Variants in MSH3 observed in about 807,000 individuals in gnomAD.
MSH3 encodes the protein mutS homolog 3, also known as DNA mismatch repair protein Msh3.
MSH3 carries 106 observed loss-of-function variants against 123.3 expected under a neutral mutation model. The observed-to-expected ratio is 0.86, with a 90% CI of 0.73 to 1.01. The LOEUF is 1.01. Ranked by LOEUF, MSH3 falls within the 50% of genes least tolerant of loss-of-function variation. The pLI, the probability that MSH3 is intolerant of heterozygous loss-of-function variation, is 0.00. For missense variants in MSH3, 1,459 were observed against 1,347.6 expected (o/e 1.08, Z -1.29); for synonymous variants, 515 against 481.4 (o/e 1.07, Z -0.91).
chr5:80,869,309 G>T (rs1336492736), intron 22 of MSH3, among the ~76,000 whole-genome samples: 1 of 152,156 alleles, frequency 6.6e-6, no homozygotes, highest in African/African-American at 2.4e-5. Flanking sequence ...TCAAAGCAGT[G>T]CCAGGTAAAC....
intron 10 of MSH3, among the ~76,000 whole-genome samples, chr5:80,730,496 A>T (rs534247644): frequency 6.6e-6 from 1 of 152,134 alleles, no homozygotes; most frequent in African/African-American, 2.4e-5. Context: ...GAATGTGGGT[A>T]TTGTATTAAT....
At chr5:80,853,349 C>G (rs1745861681) in intron 20 of MSH3, among the ~76,000 whole-genome samples, 1 of 152,016 alleles carries the variant, frequency 6.6e-6, no homozygotes, top group South Asian at 2.1e-4. Flanking sequence ...GTGGCATGCA[C>G]CTGTAGTCCC....
intron 2 of MSH3, 126 bp from the exon 3 acceptor site, chr5:80,665,017 A>G (rs566426409): frequency 2.9e-6 from 2 of 694,364 alleles, no homozygotes; most frequent in Non-Finnish European, 4.8e-6. Flanking sequence ...TAAAAAAATC[A>G]CATTATAGTT....
chr5:80,801,294 C>T (rs889988851), intron 19 of MSH3, among the ~76,000 whole-genome samples: 6 of 152,208 alleles, frequency 3.9e-5, no homozygotes, highest in Non-Finnish European at 8.8e-5. Flanking sequence ...CCACTGCAGT[C>T]ACCTGCCTGG....
chr5:80,692,569 TGTTTATATAGAGAG>T (rs1263501016), intron 8 of MSH3, among the ~76,000 whole-genome samples: 77 of 143,338 alleles, frequency 5.4e-4, no homozygotes, highest in East Asian at 3.2e-3. Flanking sequence ...AACATGTATA[TGTTTATATAGAGAG>T]ATAAACATGT....
intron 13 of MSH3, among the ~76,000 whole-genome samples, chr5:80,762,630 T>C (rs899703626): frequency 1.3e-5 from 2 of 151,824 alleles, no homozygotes; most frequent in East Asian, 3.9e-4. Context: ...ATTTTTTTTT[T>C]CTGGTTGCCA....
intron 20 of MSH3, among the ~76,000 whole-genome samples, chr5:80,825,955 C>T (rs537969182): frequency 1.3e-5 from 2 of 152,328 alleles, no homozygotes; most frequent in South Asian, 4.1e-4. Context: ...TGCTATCAGC[C>T]AGTGGCTGCT....
chr5:80,866,772 T>C (rs1352671209), intron 22 of MSH3, among the ~76,000 whole-genome samples: 1 of 152,248 alleles, frequency 6.6e-6, no homozygotes, highest in Non-Finnish European at 1.5e-5. Flanking sequence ...TGCTAAATAT[T>C]GCTTACTGAT....
chr5:80,734,479 A>G (rs1433797022), intron 10 of MSH3, among the ~76,000 whole-genome samples: 1 of 152,252 alleles, frequency 6.6e-6, no homozygotes, highest in Non-Finnish European at 1.5e-5. Flanking sequence ...TGATAGACAC[A>G]TACACACTTA....
At chr5:80,759,880 C>T (rs1161542750) in intron 12 of MSH3, among the ~76,000 whole-genome samples, 1 of 152,148 alleles carries the variant, frequency 6.6e-6, no homozygotes, top group Non-Finnish European at 1.5e-5. Context: ...GTCTTGCTCT[C>T]CTGCATCGTA....
chr5:80,738,770 A>G (rs1265474595), intron 10 of MSH3, among the ~76,000 whole-genome samples: 1 of 152,218 alleles, frequency 6.6e-6, no homozygotes, highest in African/African-American at 2.4e-5. Context: ...GTGCCCTTCA[A>G]AATTCACATG....
intron 8 of MSH3, among the ~76,000 whole-genome samples, chr5:80,719,929 G>A (rs1354079552): frequency 6.6e-6 from 1 of 152,190 alleles, no homozygotes; most frequent in Non-Finnish European, 1.5e-5. Context: ...GGCCTCACTG[G>A]CAGGTTCTCT....
intron 19 of MSH3, among the ~76,000 whole-genome samples, chr5:80,793,386 A>G (rs1304583470): frequency 6.6e-6 from 1 of 152,230 alleles, no homozygotes; most frequent in African/African-American, 2.4e-5. Context: ...AGCAAGACAG[A>G]ACTCTTCCCT....
intron 19 of MSH3, among the ~76,000 whole-genome samples, chr5:80,794,858 C>T (rs1345728711): frequency 6.6e-6 from 1 of 152,122 alleles, no homozygotes; most frequent in Non-Finnish European, 1.5e-5. Context: ...TGGTAAAGCC[C>T]TAAAGAAGAG....
At chr5:80,811,740 T>C (rs974872810) in intron 19 of MSH3, among the ~76,000 whole-genome samples, 5 of 152,138 alleles carry the variant, frequency 3.3e-5, no homozygotes. Context: ...TTCTATTTCT[T>C]GTGTCGTTTT....
intron 7 of MSH3, among the ~76,000 whole-genome samples, chr5:80,677,753 G>A (rs897732693): frequency 4.6e-5 from 7 of 152,168 alleles, no homozygotes; most frequent in African/African-American, 1.7e-4. Flanking sequence ...TGTAAATATA[G>A]TGTGTGTATT....
chr5:80,869,080 GA>G (rs1271248804), intron 22 of MSH3, among the ~76,000 whole-genome samples: 1 of 152,138 alleles, frequency 6.6e-6, no homozygotes, highest in Non-Finnish European at 1.5e-5. Flanking sequence ...AAACAGTTAA[GA>G]AACCTGTGTT....
rs576652660 is a variant in MSH3 at position 80,703,426 on chromosome 5, T to G, written c.1341-22027T>G. Among the ~76,000 whole-genome samples, 3 of 152,296 alleles carry G rather than the reference T, an allele frequency of 2.0e-5. No individual in the cohort carries two copies. The South Asian group carries it at 6.2e-4, about 32-fold the overall frequency. On this transcript the variant is annotated intron_variant, in intron 8 of 23. Coordinates refer to ENST00000265081, the MANE Select transcript of MSH3 (RefSeq NM_002439.5). ...AGAGATTGCCCACCCATACAGAATT[T>G]CTATTGCTTCTGCCTTCCAGAGAAC... is the stretch of plus-strand genomic sequence containing the variant.
Position 80,778,713 on chromosome 5 carries a change from C to G in MSH3, c.2319-7C>G, listed in dbSNP as rs750027650. On this transcript the variant is annotated splice_region_variant and splice_polypyrimidine_tract_variant and intron_variant, in intron 16 of 23. Coordinates refer to ENST00000265081, the MANE Select transcript of MSH3 (RefSeq NM_002439.5). ...ATTTCCTATTTGTGTTCTTTCCCCT[C>G]TTCTAGCACAAAAGCTGTGAGCCGC... 1 of 1,535,054 alleles carries G rather than the reference C, an allele frequency of 6.5e-7. No individual in the cohort carries two copies. The highest frequency in any genetic ancestry group is 9.0e-7 in the Non-Finnish European group (1 of 1,107,610).
Sources: allele counts gnomAD v4.1 joint callset (sites outside exome capture counted in the v4.1 genomes callset), GRCh38; gene constraint gnomAD v4.1.1; transcripts MANE v1.5; gene names NCBI Gene and HGNC (gene_info 2026-07-23, HGNC 2026-07-21).